Variants in SOX6 observed in about 807,000 individuals in gnomAD.
The protein encoded by SOX6 is SRY-box transcription factor 6, also known as transcription factor SOX-6.
SOX6 carries 11 observed loss-of-function variants against 97.8 expected under a neutral mutation model. That is an observed-to-expected ratio of 0.11 (90% CI 0.07 to 0.19). The LOEUF (loss-of-function observed/expected upper bound fraction) is 0.19. Among genes scored for constraint, SOX6 ranks in the 10% least tolerant of loss-of-function variants. The probability of loss-of-function intolerance (pLI) is 1.00; values close to 1 mark genes in which losing one functional copy is unlikely to be tolerated. For missense variants in SOX6, 810 were observed against 1,039.5 expected, an observed-to-expected ratio of 0.78 and a Z score of 3.04; for synonymous variants, 360 against 371.4, an observed-to-expected ratio of 0.97 and a Z score of 0.35.
At chr11:16,469,748 A>G (rs1860106667) in intron 1 of SOX6, among the ~76,000 whole-genome samples, 1 of 152,124 alleles carries the variant, frequency 6.6e-6, no homozygotes, top group Non-Finnish European at 1.5e-5. Context: ...AAGAAAAAAC[A>G]GTAATTCAGA....
chr11:16,630,144 T>G (rs1590020695), intron 3 of SOX6, among the ~76,000 whole-genome samples: 1 of 152,320 alleles, frequency 6.6e-6, no homozygotes, highest in Non-Finnish European at 1.5e-5. Context: ...GGGGTTAGTT[T>G]GTTCTTGTTT....
chr11:16,285,887 AC>A (rs900833459), intron 3 of SOX6, among the ~76,000 whole-genome samples: 44 of 152,228 alleles, frequency 2.9e-4, no homozygotes, highest in African/African-American at 8.9e-4. Context: ...CTTCTGATGA[AC>A]CCTCAAATAT....
At position 16,683,518 on chromosome 11, in the gene SOX6, A is replaced by G. The variant is rs1234954247; in HGVS notation, n.429+31312T>C. 3.3e-5 allele frequency among the ~76,000 whole-genome samples: 5 copies of G among 152,218 alleles called. No homozygotes were observed. In the East Asian group the frequency reaches 9.6e-4, roughly 29 times the overall value. ...CCTATTTAATAAATGGTGCTGGGAA[A>G]ATTGGCTAACCATATGTAGAAAGCT... On this transcript the variant is annotated intron_variant and non_coding_transcript_variant, in intron 3 of 5. Transcript: ENST00000524520.
chr11:16,202,896 GA>G (rs1298124580), intron 4 of SOX6, among the ~76,000 whole-genome samples: 1 of 152,108 alleles, frequency 6.6e-6, no homozygotes, highest in Admixed American at 6.5e-5. Flanking sequence ...AAGGCACTGT[GA>G]AAACAAGCAA....
chr11:16,423,566 A>G (rs1378814899), intron 1 of SOX6, among the ~76,000 whole-genome samples: 2 of 151,866 alleles, frequency 1.3e-5, no homozygotes, highest in South Asian at 2.1e-4. Context: ...AAAAGGAGTC[A>G]ACACCTTTCT....
At chr11:16,723,034 A>G (rs900390170) in intron 2 of SOX6, among the ~76,000 whole-genome samples, 6 of 152,322 alleles carry the variant, frequency 3.9e-5, no homozygotes, top group Non-Finnish European at 8.8e-5. Flanking sequence ...ACAAATTTTC[A>G]TTGCAGTACT....
chr11:16,007,550 G>T (rs1301037660), intron 13 of SOX6, among the ~76,000 whole-genome samples: 1 of 152,048 alleles, frequency 6.6e-6, no homozygotes, highest in African/African-American at 2.4e-5. Context: ...AAAGGAAACG[G>T]CCAATTGATC....
intron 6 of SOX6, among the ~76,000 whole-genome samples, chr11:16,176,594 A>G (rs992439545): frequency 6.6e-6 from 1 of 151,900 alleles, no homozygotes; most frequent in Non-Finnish European, 1.5e-5. Flanking sequence ...AAAAGATTCC[A>G]ATTATATTCT....
intron 6 of SOX6, among the ~76,000 whole-genome samples, chr11:16,177,528 A>C (rs373171663): frequency 2.0e-5 from 3 of 152,046 alleles, no homozygotes; most frequent in Middle Eastern, 3.4e-3. Flanking sequence ...CGTAAATAGA[A>C]GCTAACCAGA....
chr11:16,619,646 A>G (rs1565195133), intron 3 of SOX6, among the ~76,000 whole-genome samples: 1 of 152,132 alleles, frequency 6.6e-6, no homozygotes, highest in African/African-American at 2.4e-5. Context: ...CAAAGAGAGA[A>G]GGAAAATTAA....
intron 1 of SOX6, among the ~76,000 whole-genome samples, chr11:16,349,571 G>A (rs1000939200): frequency 1.6e-4 from 25 of 151,800 alleles, no homozygotes; most frequent in African/African-American, 6.0e-4. Flanking sequence ...AGCCAAGAGC[G>A]TGCCATTGCA....
chr11:16,305,018 T>G (rs542383260), intron 3 of SOX6, among the ~76,000 whole-genome samples: 1 of 152,050 alleles, frequency 6.6e-6, no homozygotes, highest in South Asian at 2.1e-4. Context: ...AGGCAAAGTA[T>G]TCTTAGACTT....
intron 4 of SOX6, among the ~76,000 whole-genome samples, chr11:16,548,351 C>T (rs1847643919): frequency 6.6e-6 from 1 of 152,018 alleles, no homozygotes; most frequent in Non-Finnish European, 1.5e-5. Flanking sequence ...GAAATGGTAA[C>T]TATAAGGGAA....
intron 15 of SOX6, among the ~76,000 whole-genome samples, chr11:15,978,607 C>G (rs903159433): frequency 7.9e-5 from 12 of 151,260 alleles, no homozygotes; most frequent in Non-Finnish European, 1.5e-4. Context: ...TTCTTCTCTT[C>G]TCTATCTAAA....
intron 3 of SOX6, among the ~76,000 whole-genome samples, chr11:16,654,798 C>G (rs747930183): frequency 6.6e-6 from 1 of 152,100 alleles, no homozygotes; most frequent in East Asian, 1.9e-4. Context: ...TTATGTTCAC[C>G]TCATTACTTC....
intron 3 of SOX6, among the ~76,000 whole-genome samples, chr11:16,679,434 G>A (rs566317352): frequency 1.6e-4 from 24 of 152,290 alleles, no homozygotes; most frequent in African/African-American, 5.8e-4. Context: ...TCAATAAAAT[G>A]ACATCCACAC....
At chr11:16,309,903 C>T (rs996807817) in intron 3 of SOX6, among the ~76,000 whole-genome samples, 1 of 152,044 alleles carries the variant, frequency 6.6e-6, no homozygotes, top group Non-Finnish European at 1.5e-5. Flanking sequence ...AGCTCAAAAT[C>T]ATATGAGACT....
chr11:16,222,050 C>A (rs999026344), intron 4 of SOX6, among the ~76,000 whole-genome samples: 2 of 152,052 alleles, frequency 1.3e-5, no homozygotes, highest in Admixed American at 6.6e-5. Flanking sequence ...CTCTTTAACT[C>A]CATATCAAAA....
intron 9 of SOX6, among the ~76,000 whole-genome samples, chr11:16,074,151 C>T (rs1352230558): frequency 6.6e-6 from 1 of 151,958 alleles, no homozygotes; most frequent in Admixed American, 6.6e-5. Flanking sequence ...AAAAAATCAA[C>T]AAACCTGGTA....
Sources: allele counts gnomAD v4.1 joint callset (sites outside exome capture counted in the v4.1 genomes callset), GRCh38; gene constraint gnomAD v4.1.1; transcripts MANE v1.5; gene names NCBI Gene and HGNC (gene_info 2026-07-23, HGNC 2026-07-21).